Variants in ATP9B observed in about 807,000 individuals in gnomAD.
The protein encoded by ATP9B is ATPase phospholipid transporting 9B.
Under a neutral mutation model 146.1 loss-of-function variants are expected in ATP9B, and 110 were observed. The ratio of observed to expected loss-of-function variants is 0.75; its 90% CI spans 0.65 to 0.88. The LOEUF (loss-of-function observed/expected upper bound fraction) is 0.88, where lower values mean the gene tolerates loss of function less well. ATP9B is among the 40% of genes least tolerant of loss of function. The pLI is 0.00. For missense variants in ATP9B, 1,499 were observed against 1,496.4 expected, an observed-to-expected ratio of 1.00 and a Z score of -0.03; for synonymous variants, 604 against 569.7, an observed-to-expected ratio of 1.06 and a Z score of -0.86.
intron 11 of ATP9B, among the ~76,000 whole-genome samples, chr18:79,241,327 T>C (rs533244717): frequency 6.6e-6 from 1 of 152,306 alleles, no homozygotes; most frequent in South Asian, 2.1e-4. Context: ...ATGGCCTCGC[T>C]ACCTAGGGTG....
chr18:79,305,372 A>G (rs1316633186), intron 14 of ATP9B, among the ~76,000 whole-genome samples: 4 of 152,214 alleles, frequency 2.6e-5, no homozygotes, highest in Non-Finnish European at 5.9e-5. Flanking sequence ...AAGAAGTCTC[A>G]TATGTGTATA....
intron 7 of ATP9B, among the ~76,000 whole-genome samples, chr18:79,164,362 T>C (rs998486950): frequency 2.0e-5 from 3 of 152,194 alleles, no homozygotes; most frequent in Admixed American, 6.5e-5. Context: ...TCTCTGTATT[T>C]CCCAGATTCC....
chr18:79,136,231 T>C (rs2094446221), intron 5 of ATP9B, among the ~76,000 whole-genome samples: 1 of 152,384 alleles, frequency 6.6e-6, no homozygotes, highest in Non-Finnish European at 1.5e-5. Flanking sequence ...TGGGATTTCA[T>C]TGAATCTGTA....
intron 11 of ATP9B, among the ~76,000 whole-genome samples, chr18:79,226,868 G>A (rs546136586): frequency 1.3e-5 from 2 of 152,308 alleles, no homozygotes; most frequent in African/African-American, 4.8e-5. Flanking sequence ...GACACCCGCT[G>A]TGTGTTGGGC....
chr18:79,071,884 G>GTTT (rs375351848), intron 1 of ATP9B, among the ~76,000 whole-genome samples: 44 of 79,822 alleles, frequency 5.5e-4, no homozygotes, highest in South Asian at 3.4e-3. Flanking sequence ...TTCATGTTTG[G>GTTT]TTTTGTTTTT....
chr18:79,107,669 G>C (rs758073551), intron 2 of ATP9B, among the ~76,000 whole-genome samples: 31 of 152,148 alleles, frequency 2.0e-4, no homozygotes, highest in Non-Finnish European at 3.8e-4. Context: ...TAAAATCCAT[G>C]TTTTTCCATT....
intron 13 of ATP9B, among the ~76,000 whole-genome samples, chr18:79,282,941 T>C (rs1334295886): frequency 1.3e-5 from 2 of 152,210 alleles, no homozygotes; most frequent in African/African-American, 2.4e-5. Context: ...CAGCTCTAGA[T>C]AACAGGGGCA....
chr18:79,245,708 GTA>G (rs2095943811), intron 11 of ATP9B, among the ~76,000 whole-genome samples: 1 of 138,226 alleles, frequency 7.2e-6, no homozygotes, highest in Non-Finnish European at 1.5e-5. Context: ...TGTGCGGAGG[GTA>G]CCGCCCTACT....
At chr18:79,371,433 A>G (rs1335346301) in intron 26 of ATP9B, among the ~76,000 whole-genome samples, 1 of 150,054 alleles carries the variant, frequency 6.7e-6, no homozygotes, top group Admixed American at 6.6e-5. Context: ...GTGAATTTGA[A>G]TCTTCCTTTT....
At chr18:79,220,641 A>G (rs114400784) in intron 11 of ATP9B, among the ~76,000 whole-genome samples, 2,750 of 152,254 alleles carry the variant, frequency 0.018, 100 homozygotes, top group African/African-American at 0.063. Flanking sequence ...TACAGCCACT[A>G]TTGTAGATTG....
chr18:79,127,522 A>G (rs746937269), intron 5 of ATP9B, among the ~76,000 whole-genome samples: 19 of 152,226 alleles, frequency 1.2e-4, no homozygotes, highest in Non-Finnish European at 2.4e-4. Flanking sequence ...TTCATCTGGT[A>G]GTAGCATTCA....
chr18:79,278,116 A>G (rs2096333805), intron 13 of ATP9B, among the ~76,000 whole-genome samples: 1 of 152,248 alleles, frequency 6.6e-6, no homozygotes. Context: ...ATGGATTAAA[A>G]TAACAAAACA....
intron 13 of ATP9B, among the ~76,000 whole-genome samples, chr18:79,296,984 C>G (rs2096554194): frequency 2.1e-5 from 3 of 142,120 alleles, no homozygotes; most frequent in African/African-American, 5.3e-5. Context: ...AGAGATGACC[C>G]AGAGAGAAGA....
At chr18:79,195,005 C>A (rs2095405724) in intron 9 of ATP9B, among the ~76,000 whole-genome samples, 1 of 152,060 alleles carries the variant, frequency 6.6e-6, no homozygotes, top group African/African-American at 2.4e-5. Flanking sequence ...GCAAGGGGCA[C>A]TGGTAAAGAG....
intron 4 of ATP9B, among the ~76,000 whole-genome samples, chr18:79,125,790 TATA>T (rs1308544234): frequency 1.3e-5 from 2 of 152,224 alleles, no homozygotes; most frequent in Non-Finnish European, 2.9e-5. Context: ...ACTGCAGTTA[TATA>T]ATAATGCACT....
intron 1 of ATP9B, among the ~76,000 whole-genome samples, chr18:79,081,985 A>G (rs2073314910): frequency 6.6e-6 from 1 of 152,140 alleles, no homozygotes. Context: ...TCTCCCGGAT[A>G]ATATCCTGCA....
chr18:79,345,376 T>G, intron 21 of ATP9B, 52 bp from the exon 22 acceptor site: 1 of 1,597,228 alleles, frequency 6.3e-7, no homozygotes, highest in South Asian at 1.1e-5. Flanking sequence ...TACACAAATC[T>G]GGGACACTGT....
At chr18:79,312,825 A>G (rs2096660245) in intron 15 of ATP9B, among the ~76,000 whole-genome samples, 1 of 152,234 alleles carries the variant, frequency 6.6e-6, no homozygotes, top group Non-Finnish European at 1.5e-5. Context: ...TGAAATTACG[A>G]TAAAGAACTT....
rs546157536 is a variant in ATP9B at position 79,333,982 on chromosome 18, G to A, written c.2029-2646G>A. On this transcript the variant is annotated intron_variant, in intron 17 of 29. Transcript: ENST00000426216. The stretch of plus-strand genomic sequence containing the variant: ...GAGAGTCTTAAGCAGCGAATCTTTC[G>A]GGACCTTCCAGAGCACAGAGAAGCC... 6.6e-5 allele frequency among the ~76,000 whole-genome samples: 10 copies of A among 152,240 alleles called. No homozygotes were observed. In the South Asian group the frequency reaches 8.3e-4, roughly 13 times the overall value.
Sources: gnomAD v4.1 joint callset for allele counts (sites outside exome capture counted in the v4.1 genomes callset) on GRCh38, gnomAD v4.1.1 for gene constraint, MANE v1.5 for transcripts, NCBI Gene and HGNC (gene_info 2026-07-23, HGNC 2026-07-21) for gene names.